Variants in NDUFAF6 observed in about 807,000 individuals in gnomAD.
NDUFAF6 encodes the protein NADH:ubiquinone oxidoreductase complex assembly factor 6, also known as NADH dehydrogenase (ubiquinone) complex I, assembly factor 6.
Under a neutral mutation model 40.8 loss-of-function variants are expected in NDUFAF6, and 45 were observed. The ratio of observed to expected loss-of-function variants is 1.10; its 90% confidence interval spans 0.87 to 1.42. The LOEUF is 1.42. Among genes scored for constraint, NDUFAF6 ranks in the 40% most tolerant of loss-of-function variants. NDUFAF6 has a pLI of 0.00. For synonymous variants in NDUFAF6, 185 were observed against 155.9 expected (o/e 1.19, Z -1.39); for missense variants, 435 against 418.5 (o/e 1.04, Z -0.34).
intron 1 of NDUFAF6, among the ~76,000 whole-genome samples, chr8:95,100,832 C>T (rs1029204270): frequency 3.9e-5 from 6 of 152,100 alleles, no homozygotes; most frequent in Non-Finnish European, 1.5e-5. Context: ...TTTGTTTGTT[C>T]TTTCAGTTGG....
rs1218252716 is a variant in NDUFAF6 at position 95,014,616 on chromosome 8, TG to T, written c.-83-17378del. Reference sequence around the variant, plus strand: ...GTTCCAAGTTCCTGGTTTATGGTTTTGTTTATGCATCTGTGTTAGCCAGGAC... The same window carrying T: ...GTTCCAAGTTCCTGGTTTATGGTTTTTTTATGCATCTGTGTTAGCCAGGAC... On this transcript the variant is annotated intron_variant, in intron 2 of 9. Transcript: ENST00000396111. Among the ~76,000 whole-genome samples the T allele has an allele frequency of 2.0e-5, 3 of 152,214 alleles. No homozygotes were observed. In the East Asian group the frequency reaches 5.8e-4, roughly 29 times the overall value.
At chr8:95,114,896 G>C (rs1188063876) in intron 4 of NDUFAF6, among the ~76,000 whole-genome samples, 1 of 152,164 alleles carries the variant, frequency 6.6e-6, no homozygotes, top group South Asian at 2.1e-4. Flanking sequence ...AAAATAATAC[G>C]TGAAAGCGTC....
chr8:94,945,836 C>T (rs999801944), intron 2 of NDUFAF6, among the ~76,000 whole-genome samples: 1 of 152,168 alleles, frequency 6.6e-6, no homozygotes, highest in Non-Finnish European at 1.5e-5. Context: ...CTTTAACCAG[C>T]GTCAGTCCAG....
downstream of NDUFAF6, among the ~76,000 whole-genome samples, chr8:95,104,754 T>C (rs1809765784): frequency 6.6e-6 from 1 of 152,190 alleles, no homozygotes; most frequent in South Asian, 2.1e-4. Context: ...TCTTTTGTTA[T>C]GTGACTGCAG....
At chr8:95,040,540 C>T (rs961287940) in intron 3 of NDUFAF6, among the ~76,000 whole-genome samples, 2 of 152,228 alleles carry the variant, frequency 1.3e-5, no homozygotes, top group Non-Finnish European at 2.9e-5. Context: ...GATAACTTCT[C>T]AACTTCAGTA....
chr8:95,025,117 C>A lies in NDUFAF6; in HGVS notation c.109C>A (p.Pro37Thr). 1.4e-6 allele frequency: 2 copies of A among 1,478,672 alleles called. No homozygotes were observed. The highest frequency in any genetic ancestry group is 2.6e-5 in the South Asian group (2 of 77,284). 91.6% of individuals were successfully genotyped at this position (1,478,672 alleles called of 1,614,324 possible). Reference protein sequence around the residue: ...LGLYARMRRLPGPEVSGRSVA... With the variant: ...LGLYARMRRLTGPEVSGRSVA... The stretch of plus-strand genomic sequence containing the variant: ...TCTGTACGCGCGCATGCGGCGGCTG[C>A]CCGGGCCGGAGGTGTCTGGGCGGAG... The change falls in exon 1 of 9, where the codon CCC (proline) becomes ACC (threonine). Residue 37 changes from proline to threonine, a missense_variant. Pro to Thr is a conservative substitution (Grantham distance 38, BLOSUM62 -1). Coordinates refer to ENST00000396124, the MANE Select transcript of NDUFAF6 (RefSeq NM_152416.4).
chr8:95,044,961 C>T (rs1448531420), intron 4 of NDUFAF6, among the ~76,000 whole-genome samples: 3 of 152,008 alleles, frequency 2.0e-5, no homozygotes, highest in Admixed American at 6.5e-5. Flanking sequence ...TTTTATTGAG[C>T]ATGGTTTCTT....
chr8:95,059,139 CTCT>C (rs1246012271), downstream of NDUFAF6, among the ~76,000 whole-genome samples: 1 of 152,186 alleles, frequency 6.6e-6, no homozygotes, highest in Non-Finnish European at 1.5e-5. Context: ...GTCGATCTGA[CTCT>C]AAATGAATCT....
intron 1 of NDUFAF6, chr8:94,930,707 C>T (rs765854775): frequency 1.5e-5 from 24 of 1,613,936 alleles, no homozygotes; most frequent in Non-Finnish European, 2.0e-5. Flanking sequence ...TATGCTGCCC[C>T]ATTTCATTTT....
intron 7 of NDUFAF6, among the ~76,000 whole-genome samples, chr8:95,049,134 C>G (rs978433695): frequency 1.3e-5 from 2 of 152,218 alleles, no homozygotes; most frequent in Non-Finnish European, 2.9e-5. Context: ...CCTGCCCACT[C>G]TAATAAACAA....
In NDUFAF6 at chr8:95,052,175, C is replaced by G. The variant is rs1307463690; in HGVS notation, c.818C>G (p.Ala273Gly). ...ASQAHLHLKH[A>G]RSFHKTVPVK... ...GCTTCCTCTCCTCTTCCTTTTTAGGCTAGGTCCTTTCACAAAACTGTTCCT... is the reference window on the plus strand; with the variant it reads ...GCTTCCTCTCCTCTTCCTTTTTAGGGTAGGTCCTTTCACAAAACTGTTCCT... The change falls in exon 8 of 9, where the codon GCT becomes GGT. Residue 273 changes from alanine (A) to glycine (G), a missense_variant and splice_region_variant. Physicochemically the swap from Ala to Gly is moderately conservative, Grantham distance 60. Transcript: ENST00000396124. The G allele has an allele frequency of 1.2e-6, 2 of 1,614,068 alleles. No homozygotes were observed. Among genetic ancestry groups the G allele is most frequent in the Non-Finnish European group, 1.7e-6 (2 of 1,179,958 alleles).
At chr8:94,996,326 C>A (rs1826430255) in intron 2 of NDUFAF6, among the ~76,000 whole-genome samples, 1 of 152,200 alleles carries the variant, frequency 6.6e-6, no homozygotes, top group African/African-American at 2.4e-5. Context: ...CACACATCTT[C>A]TCTAAGATAC....
At chr8:95,111,851 T>A (rs62524804) in intron 4 of NDUFAF6, among the ~76,000 whole-genome samples, 2,187 of 152,254 alleles carry the variant, frequency 0.014, 26 homozygotes, top group Non-Finnish European at 0.022. Context: ...AATGACCATA[T>A]ATTATATGAG....
At chr8:95,037,669 T>C (rs1474344776) in intron 3 of NDUFAF6, among the ~76,000 whole-genome samples, 2 of 152,220 alleles carry the variant, frequency 1.3e-5, no homozygotes, top group Non-Finnish European at 2.9e-5. Flanking sequence ...CTTTGTCATG[T>C]AATGCATTTT....
intron 1 of NDUFAF6, among the ~76,000 whole-genome samples, chr8:94,969,564 C>G (rs1824290206): frequency 6.6e-6 from 1 of 152,042 alleles, no homozygotes; most frequent in Non-Finnish European, 1.5e-5. Flanking sequence ...TCAGGTGAGC[C>G]TGGGAGTTCA....
upstream of NDUFAF6, among the ~76,000 whole-genome samples, chr8:94,954,824 T>C (rs1224500568): frequency 6.6e-6 from 1 of 152,232 alleles, no homozygotes; most frequent in Non-Finnish European, 1.5e-5. Flanking sequence ...GCTGTCTTTT[T>C]GGCTTTTCCA....
chr8:95,003,325 C>T (rs547258874), intron 2 of NDUFAF6, among the ~76,000 whole-genome samples: 1 of 152,306 alleles, frequency 6.6e-6, no homozygotes, highest in African/African-American at 2.4e-5. Flanking sequence ...GCCATTAGAA[C>T]ACTGATAATG....
chr8:95,065,864 C>T (rs2132022818), intron 9 of NDUFAF6, among the ~76,000 whole-genome samples: 1 of 139,716 alleles, frequency 7.2e-6, no homozygotes, highest in South Asian at 2.5e-4. Context: ...ATTTAAAATC[C>T]ATTTGTTTAT....
chr8:94,940,443 TTCTGTGTGTG>T (rs1342379432), intron 1 of NDUFAF6, among the ~76,000 whole-genome samples: 1 of 85,100 alleles, frequency 1.2e-5, no homozygotes, highest in East Asian at 5.1e-4. Context: ...AGCACAGAAA[TTCTGTGTGTG>T]TGTGTGTGTG....
Sources: allele counts gnomAD v4.1 joint callset (sites outside exome capture counted in the v4.1 genomes callset), GRCh38; gene constraint gnomAD v4.1.1; transcripts MANE v1.5; gene names NCBI Gene and HGNC (gene_info 2026-07-23, HGNC 2026-07-21).